The following TPX2 variants were observed in gnomAD, a reference collection of about 807,000 sequenced individuals.
TPX2 encodes TPX2 microtubule nucleation factor, also known as targeting protein for Xklp2.
TPX2 carries 21 observed loss-of-function variants against 93.6 expected under a neutral mutation model. That is an observed-to-expected ratio of 0.22 (90% confidence interval 0.16 to 0.32). The LOEUF (loss-of-function observed/expected upper bound fraction) is 0.32, where lower values mean the gene tolerates loss of function less well. Ranked by LOEUF, TPX2 falls within the 10% of genes least tolerant of loss-of-function variation. TPX2 has a pLI of 1.00. For missense variants in TPX2, 776 were observed against 871.1 expected, an observed-to-expected ratio of 0.89 and a Z score of 1.37; for synonymous variants, 281 against 298.3, an observed-to-expected ratio of 0.94 and a Z score of 0.60.
rs185486599 is a variant in TPX2, at chr20:31,798,849, A to G, written c.2133+297A>G. On this transcript the variant is annotated intron_variant, in intron 17 of 17. Transcript: ENST00000300403. ...CATAAGACAGTTGTTCAAAAAATACATTTATCCCTTTGATAGTGAATTTTT... is the reference window on the plus strand; with the variant it reads ...CATAAGACAGTTGTTCAAAAAATACGTTTATCCCTTTGATAGTGAATTTTT... Among the ~76,000 whole-genome samples, 218 of 152,346 alleles carry G rather than the reference A, an allele frequency of 1.4e-3. 3 individuals are homozygous for G. Among genetic ancestry groups the G allele is most frequent in the East Asian group, 8.3e-3 (43 of 5,188 alleles).
At chr20:31,787,796 A>G (rs2062076236) in intron 12 of TPX2, among the ~76,000 whole-genome samples, 1 of 152,208 alleles carries the variant, frequency 6.6e-6, no homozygotes, top group Non-Finnish European at 1.5e-5. Flanking sequence ...TCAGATACGC[A>G]TTTCTCAGGT....
intron 10 of TPX2, among the ~76,000 whole-genome samples, chr20:31,780,509 A>G (rs2062026684): frequency 6.6e-6 from 1 of 152,224 alleles, no homozygotes; most frequent in African/African-American, 2.4e-5. Context: ...AGAGTCTGAT[A>G]TGTCCTGCTT....
chr20:31,745,313 A>G (rs1203563698), intron 2 of TPX2, among the ~76,000 whole-genome samples: 1 of 148,490 alleles, frequency 6.7e-6, no homozygotes, highest in Admixed American at 6.8e-5. Flanking sequence ...CACTCTCACC[A>G]TCCATAGGTA....
Position 31,766,567 on chromosome 20 carries a change from T to TA in TPX2, c.242dup (p.Tyr81Ter), listed in dbSNP as rs2061927810. ...TTGGTCTTCCGCAGTTGACAACACT[T>TA]ACTACAAAGAGGCAGAAAAAGAAAA... ...VTPLKPVDNT[Y>*]YKEAEKENLV... The change falls in exon 5 of 18, where the codon TAC (tyrosine) becomes TAAC (stop). Residue 81 changes from tyrosine to a stop codon, truncating the protein, a stop_gained and frameshift_variant. Transcript: ENST00000300403. LOFTEE classifies it high-confidence loss of function. 1.2e-6 allele frequency: 2 copies of TA among 1,604,562 alleles called. No individual in the cohort carries two copies. Among genetic ancestry groups the TA allele is most frequent in the Non-Finnish European group, 8.5e-7 (1 of 1,174,604 alleles).
Position 31,792,778 on chromosome 20 carries a change from C to T in TPX2, c.1457C>T (p.Ser486Leu). The T allele has an allele frequency of 6.2e-7, 1 of 1,614,204 alleles. No homozygotes were observed. The highest frequency in any genetic ancestry group is 8.5e-7 in the Non-Finnish European group (1 of 1,180,028). ...GTACTTCCAATCACCGTCCCCAAGT[C>T]ACCAGCCTTTGCATTGAAGAACAGA... ...KKVLPITVPKSPAFALKNRIR... is the reference protein window; with the variant it reads ...KKVLPITVPKLPAFALKNRIR... The change falls in exon 13 of 18, where the codon TCA (serine) becomes TTA (leucine). Residue 486 changes from serine to leucine, a missense_variant. Ser to Leu is a moderately radical substitution (Grantham distance 145). Around this residue, in one of 3 missense-constraint regions of TPX2, gnomAD observed 461 missense variants for 551.2 expected, o/e 0.84. Coordinates refer to ENST00000300403, the MANE Select transcript of TPX2 (RefSeq NM_012112.5).
chr20:31,765,739 A>G (rs1267855607), intron 4 of TPX2, among the ~76,000 whole-genome samples: 3 of 152,206 alleles, frequency 2.0e-5, no homozygotes, highest in African/African-American at 4.8e-5. Context: ...CTCTTTGGCT[A>G]TCTTTGGTTG....
chr20:31,792,077 A>G (rs1441688133), intron 12 of TPX2, among the ~76,000 whole-genome samples: 2 of 152,210 alleles, frequency 1.3e-5, no homozygotes, highest in Non-Finnish European at 2.9e-5. Flanking sequence ...TCTTCAGGGT[A>G]GTTGAATGTG....
intron 2 of TPX2, among the ~76,000 whole-genome samples, chr20:31,752,631 T>G (rs897218588): frequency 1.4e-4 from 22 of 152,322 alleles, no homozygotes; most frequent in African/African-American, 5.3e-4. Context: ...TCTTTTTTTT[T>G]GAGACGGAGT....
At chr20:31,744,091 T>TA (rs1324172611) in intron 2 of TPX2, among the ~76,000 whole-genome samples, 2 of 151,708 alleles carry the variant, frequency 1.3e-5, no homozygotes, top group African/African-American at 2.4e-5. Flanking sequence ...AACTCATAGA[T>TA]ACGGACAGCC....
intron 4 of TPX2, among the ~76,000 whole-genome samples, chr20:31,765,998 C>T (rs2123008633): frequency 6.6e-6 from 1 of 152,264 alleles, no homozygotes; most frequent in Non-Finnish European, 1.5e-5. Flanking sequence ...TGTGGGAGTG[C>T]ATCCTCAGGA....
intron 15 of TPX2, among the ~76,000 whole-genome samples, chr20:31,796,468 C>G (rs1039624906): frequency 2.6e-5 from 4 of 152,110 alleles, no homozygotes; most frequent in African/African-American, 9.7e-5. Flanking sequence ...AATCAATATC[C>G]ATATATAGTC....
rs372871887 is a variant in TPX2 at position 31,743,812 on chromosome 20, C to T, written c.-71+1165C>T. 3.3e-5 allele frequency among the ~76,000 whole-genome samples: 5 copies of T among 151,770 alleles called. No individual in the cohort carries two copies. The East Asian group carries it at 5.8e-4, about 18-fold the overall frequency. ...TGCAATCTCAGCTTACCGTAACCTC[C>T]GCCTCCCAGGTTCAGGCGATTCTCC... On this transcript the variant is annotated intron_variant, in intron 2 of 17. Transcript: ENST00000300403.
At chr20:31,762,311 C>G (rs956209571) in intron 4 of TPX2, among the ~76,000 whole-genome samples, 1 of 152,016 alleles carries the variant, frequency 6.6e-6, no homozygotes, top group African/African-American at 2.4e-5. Flanking sequence ...TGCCCAGAAC[C>G]GTGTCCTAAA....
At chr20:31,784,211 T>C (rs1351367865) in intron 12 of TPX2, among the ~76,000 whole-genome samples, 1 of 152,218 alleles carries the variant, frequency 6.6e-6, no homozygotes, top group Non-Finnish European at 1.5e-5. Context: ...AAGTTCAGGG[T>C]GTGCTTTGTA....
At chr20:31,799,473 TCA>T (rs1363531036) in intron 17 of TPX2, among the ~76,000 whole-genome samples, 1 of 152,214 alleles carries the variant, frequency 6.6e-6, no homozygotes, top group Admixed American at 6.5e-5. Context: ...TGTTATGTGC[TCA>T]CACTACAATG....
intron 15 of TPX2, among the ~76,000 whole-genome samples, chr20:31,794,851 T>C (rs796486546): frequency 6.6e-6 from 1 of 151,484 alleles, no homozygotes; most frequent in Non-Finnish European, 1.5e-5. Flanking sequence ...GACAGAGCCT[T>C]GCTGTGTTGC....
intron 4 of TPX2, among the ~76,000 whole-genome samples, chr20:31,765,064 C>T (rs2061916039): frequency 6.6e-6 from 1 of 151,828 alleles, no homozygotes; most frequent in Non-Finnish European, 1.5e-5. Flanking sequence ...AAGTGATCCT[C>T]TTGCCTCAGC....
chr20:31,800,872 A>C, intron 17 of TPX2, 98 bp from the exon 18 acceptor site: 1 of 1,031,256 alleles, frequency 9.7e-7, no homozygotes, highest in Non-Finnish European at 1.5e-6. Context: ...GGACCTGTAA[A>C]ACTCTACAAA....
chr20:31,753,580 TATC>T (rs111460666), intron 2 of TPX2, among the ~76,000 whole-genome samples: 1,887 of 152,258 alleles, frequency 0.012, 31 homozygotes, highest in African/African-American at 0.044. Context: ...AATTCTAAAA[TATC>T]ATGTTTCTAC....
Sources: allele counts gnomAD v4.1 joint callset (sites outside exome capture counted in the v4.1 genomes callset), GRCh38; gene constraint gnomAD v4.1.1; regional missense constraint gnomAD v4.1.1; transcripts MANE v1.5; gene names NCBI Gene and HGNC (gene_info 2026-07-23, HGNC 2026-07-21).